Variants in ADARB2 observed in about 807,000 individuals in gnomAD.
The protein encoded by ADARB2 is adenosine deaminase RNA specific B2 (inactive).
A neutral mutation model predicts 62.2 loss-of-function variants in ADARB2; 25 were observed. The observed-to-expected ratio is 0.40, with a 90% CI of 0.29 to 0.56. The LOEUF is 0.56. Among genes scored for constraint, ADARB2 ranks in the 20% least tolerant of loss-of-function variants. The pLI is 0.43. For missense variants in ADARB2, 1,071 were observed against 1,077.4 expected (o/e 0.99, Z 0.08); for synonymous variants, 572 against 500.8 (o/e 1.14, Z -1.90).
Position 1,464,508 on chromosome 10 carries a change from G to A in ADARB2, c.101-85348C>T, listed in dbSNP as rs538960202. Among the ~76,000 whole-genome samples, 20 of 92,816 alleles carry A rather than the reference G, an allele frequency of 2.2e-4. No homozygotes were observed. In the South Asian group the frequency reaches 7.4e-3, roughly 34 times the overall value. The allele number at this position is 92,816 out of a possible 152,430, so 60.9% of individuals were successfully genotyped here. On this transcript the variant is annotated intron_variant, in intron 1 of 9. Coordinates refer to ENST00000381312, the MANE Select transcript of ADARB2 (RefSeq NM_018702.4). ...GCTGGGGGCAGTCACAGCAGGCAGCGCGCCGGAGAAGAGGGTGGACACACA... is the reference window on the plus strand; with the variant it reads ...GCTGGGGGCAGTCACAGCAGGCAGCACGCCGGAGAAGAGGGTGGACACACA...
chr10:1,526,928 C>T (rs767379104), intron 1 of ADARB2: 5 of 393,654 alleles, frequency 1.3e-5, no homozygotes, highest in South Asian at 9.4e-5. Flanking sequence ...ACATCCCCTG[C>T]ATCTTAATTT....
rs967932817 is a variant in ADARB2, at chr10:1,711,399, C to A, written c.100+25652G>T. Among the ~76,000 whole-genome samples the A allele has an allele frequency of 2.0e-5, 3 of 152,224 alleles. No individual in the cohort carries two copies. The East Asian group carries it at 5.8e-4, about 29-fold the overall frequency. The stretch of plus-strand genomic sequence containing the variant: ...GGACGCACCTGGGAAACTCCTACCC[C>A]TGGCGGAGACCAGCATGGATCCTAG... On this transcript the variant is annotated intron_variant, in intron 1 of 9. Transcript: ENST00000381312.
chr10:1,321,165 T>C (rs547775471), intron 3 of ADARB2, among the ~76,000 whole-genome samples: 7 of 152,282 alleles, frequency 4.6e-5, no homozygotes, highest in Non-Finnish European at 7.4e-5. Context: ...GTTCTCCCCA[T>C]ATGATGGTGT....
chr10:1,200,183 C>T, intron 7 of ADARB2, 36 bp from the exon 8 acceptor site: 1 of 1,550,280 alleles, frequency 6.5e-7, no homozygotes, highest in Non-Finnish European at 8.7e-7. Flanking sequence ...GAGCCCCACC[C>T]AGGAGCCCAG....
rs1834879166 is a variant in ADARB2, at chr10:1,705,606, C to A, written c.100+31445G>T. 1.3e-5 allele frequency among the ~76,000 whole-genome samples: 2 copies of A among 152,200 alleles called. 1 individual carries two copies. The highest frequency in any genetic ancestry group is 4.1e-4 in the South Asian group (2 of 4,820). ...GAGAACAAGCTTAATCTGAAAATTT[C>A]AGACATAACTGTCCTGAAATGCAGG... On this transcript the variant is annotated intron_variant, in intron 1 of 9. Transcript: ENST00000381312.
intron 1 of ADARB2, among the ~76,000 whole-genome samples, chr10:1,628,074 G>A (rs565506506): frequency 1.0e-3 from 159 of 152,360 alleles, no homozygotes; most frequent in African/African-American, 3.2e-3. Flanking sequence ...TTGTCCACGC[G>A]TGGGTAGATC....
chr10:1,320,897 C>T lies in ADARB2; in HGVS notation c.1077+42131G>A, dbSNP rs150964668. 2.4e-3 allele frequency among the ~76,000 whole-genome samples: 364 copies of T among 152,142 alleles called. 2 individuals are homozygous for T. Among genetic ancestry groups the T allele is most frequent in the African/African-American group, 8.6e-3 (358 of 41,492 alleles). The stretch of plus-strand genomic sequence containing the variant: ...GTGGGGCATTGTGGATGTGCAGTGC[C>T]GTATTGTAATTGTAAACAGAAATGA... On this transcript the variant is annotated intron_variant, in intron 3 of 9. Coordinates refer to ENST00000381312, the MANE Select transcript of ADARB2 (RefSeq NM_018702.4).
chr10:1,243,097 G>C (rs1830943125), intron 4 of ADARB2, among the ~76,000 whole-genome samples: 2 of 152,168 alleles, frequency 1.3e-5, no homozygotes, highest in Admixed American at 1.3e-4. Context: ...AATACTCCAA[G>C]CAAGGGCTCC....
intron 3 of ADARB2, chr10:1,292,995 AGG>A (rs1831482675): frequency 3.2e-5 from 1 of 30,876 alleles, no homozygotes; most frequent in Admixed American, 4.9e-4. Context: ...AGAGAGGGAG[AGG>A]GAGGGAAGGA....
At position 1,737,299 on chromosome 10, in the gene ADARB2, C is replaced by T. The variant is rs963310736; in HGVS notation, c.-149G>A. The T allele has an allele frequency of 1.1e-5, 8 of 697,504 alleles. No individual in the cohort carries two copies. Among genetic ancestry groups the T allele is most frequent in the Non-Finnish European group, 1.7e-5 (7 of 418,768 alleles). The allele number at this position is 697,504 out of a possible 1,614,324, so 43.2% of individuals were successfully genotyped here. The stretch of plus-strand genomic sequence containing the variant: ...TTTCAGGACTGAGCAGGAAAGCGCG[C>T]TCCGTCTCTCTGTCTCTCGAATTGT... On this transcript the variant is annotated 5_prime_UTR_variant, in exon 1 of 10. Coordinates refer to ENST00000381312, the MANE Select transcript of ADARB2 (RefSeq NM_018702.4).
rs1470827900 is a variant in ADARB2, at chr10:1,178,656, T to G, written c.*4537A>C. ...AGCGAGGCGGGGGGTGGTCTGTCCC[T>G]GCTAAGAGCTGCCTGGGGGTGCTAC... On this transcript the variant is annotated 3_prime_UTR_variant, in exon 10 of 10. Coordinates refer to ENST00000381312, the MANE Select transcript of ADARB2 (RefSeq NM_018702.4). The G allele has an allele frequency of 1.3e-5, 2 of 152,268 alleles. No homozygotes were observed. The highest frequency in any genetic ancestry group is 2.9e-5 in the Non-Finnish European group (2 of 68,096). 9.4% of individuals were successfully genotyped at this position (152,268 alleles called of 1,614,324 possible). A position where few individuals can be genotyped will look rare whatever the true frequency, so the allele number is the denominator to read the frequency against.
intron 1 of ADARB2, among the ~76,000 whole-genome samples, chr10:1,499,898 C>T (rs1831743176): frequency 6.6e-6 from 1 of 152,110 alleles, no homozygotes; most frequent in African/African-American, 2.4e-5. Flanking sequence ...TCTCTCATCA[C>T]TCATTCATTA....
chr10:1,199,152 G>A (rs1272689992), intron 8 of ADARB2, among the ~76,000 whole-genome samples: 1 of 152,170 alleles, frequency 6.6e-6, no homozygotes, highest in Non-Finnish European at 1.5e-5. Context: ...AGCAAGGGAG[G>A]CTGACTCAAA....
At chr10:1,377,296 C>A (rs1832441792) in intron 2 of ADARB2, among the ~76,000 whole-genome samples, 1 of 132,038 alleles carries the variant, frequency 7.6e-6, no homozygotes, top group Admixed American at 7.8e-5. Flanking sequence ...TGTGCGTGTG[C>A]TCCTGGGGTG....
chr10:1,608,442 G>A (rs571797933), intron 1 of ADARB2, among the ~76,000 whole-genome samples: 11 of 151,654 alleles, frequency 7.3e-5, no homozygotes, highest in African/African-American at 2.2e-4. Context: ...ATTGACAGAC[G>A]GGAGGAAGGA....
At chr10:1,391,932 ATT>A (rs1414297937) in intron 1 of ADARB2, among the ~76,000 whole-genome samples, 1 of 151,682 alleles carries the variant, frequency 6.6e-6, no homozygotes, top group Non-Finnish European at 1.5e-5. Flanking sequence ...TGCCTGGTTA[ATT>A]TTTATATTTT....
chr10:1,712,810 C>T (rs976868396), intron 1 of ADARB2, among the ~76,000 whole-genome samples: 8 of 151,870 alleles, frequency 5.3e-5, no homozygotes, highest in Admixed American at 1.3e-4. Context: ...AGGGTTTCAC[C>T]GTGTTAGTCA....
chr10:1,420,905 A>G (rs1402249619), intron 1 of ADARB2, among the ~76,000 whole-genome samples: 1 of 152,170 alleles, frequency 6.6e-6, no homozygotes, highest in African/African-American at 2.4e-5. Flanking sequence ...ACCGGCAAGT[A>G]GAGAAGACGG....
At chr10:1,335,845 T>C (rs1831970754) in intron 3 of ADARB2, among the ~76,000 whole-genome samples, 1 of 152,216 alleles carries the variant, frequency 6.6e-6, no homozygotes, top group Non-Finnish European at 1.5e-5. Flanking sequence ...GCTTGGCACA[T>C]GCAAATTAGA....
Sources: gnomAD v4.1 joint callset for allele counts (sites outside exome capture counted in the v4.1 genomes callset) on GRCh38, gnomAD v4.1.1 for gene constraint, MANE v1.5 for transcripts, NCBI Gene and HGNC (gene_info 2026-07-23, HGNC 2026-07-21) for gene names.